ANK2: variants seen among roughly 807,000 people sequenced by gnomAD.
ANK2 encodes the protein ankyrin-2.
ANK2 carries 83 observed loss-of-function variants against 360.5 expected under a neutral mutation model. The observed-to-expected ratio is 0.23, with a 90% CI of 0.19 to 0.28. The LOEUF (loss-of-function observed/expected upper bound fraction) is 0.28, where lower values mean the gene tolerates loss of function less well. Ranked by LOEUF, ANK2 falls within the 10% of genes least tolerant of loss-of-function variation. The pLI, the probability that ANK2 is intolerant of heterozygous loss-of-function variation, is 1.00. For synonymous variants in ANK2, 1,740 were observed against 1,759.5 expected, an observed-to-expected ratio of 0.99 and a Z score of 0.28; for missense variants, 4,201 against 4,795.7, an observed-to-expected ratio of 0.88 and a Z score of 3.66.
chr4:112,971,145 TGAG>T (rs2039383997), intron 2 of ANK2, among the ~76,000 whole-genome samples: 5 of 152,206 alleles, frequency 3.3e-5, no homozygotes, highest in Admixed American at 2.0e-4. Context: ...TATTAATTGA[TGAG>T]GAACCAGCAA....
intron 1 of ANK2, among the ~76,000 whole-genome samples, chr4:112,897,988 C>T (rs2082225268): frequency 6.6e-6 from 1 of 152,034 alleles, no homozygotes; most frequent in Admixed American, 6.6e-5. Flanking sequence ...AGAACATAAA[C>T]TATAGATCAA....
chr4:113,244,739 G>A (rs1441483696), intron 9 of ANK2, among the ~76,000 whole-genome samples: 2 of 152,038 alleles, frequency 1.3e-5, no homozygotes, highest in African/African-American at 2.4e-5. Flanking sequence ...TCTACAATAG[G>A]TATTTCTCCT....
chr4:112,943,762 T>C lies in ANK2; in HGVS notation c.21+39248T>C, dbSNP rs536028466. On this transcript the variant is annotated intron_variant, in intron 2 of 30. Transcript: ENST00000503271. ...TAAAATCGAGCCTACATTGTTTTTC[T>C]TCTTTCCCCTTTACCTTGTTTTGCT... Among the ~76,000 whole-genome samples the C allele has an allele frequency of 7.9e-4, 120 of 152,296 alleles. 1 individual carries two copies. In the South Asian group the frequency reaches 0.01, roughly 13 times the overall value.
intron 4 of ANK2, among the ~76,000 whole-genome samples, chr4:113,215,217 A>G (rs2099072520): frequency 6.6e-6 from 1 of 152,154 alleles, no homozygotes; most frequent in Admixed American, 6.5e-5. Flanking sequence ...GAGGAAAGGC[A>G]ATGAAATATG....
intron 2 of ANK2, chr4:113,034,698 T>C (rs1254970925): frequency 6.6e-6 from 1 of 152,022 alleles, no homozygotes; most frequent in African/African-American, 2.4e-5. Flanking sequence ...TATTTTCCAC[T>C]TAATGACATC....
chr4:113,314,674 C>T (rs1026346060), intron 24 of ANK2, among the ~76,000 whole-genome samples: 2 of 152,128 alleles, frequency 1.3e-5, no homozygotes, highest in Non-Finnish European at 2.9e-5. Context: ...AGACCTTTGT[C>T]ATGCTGGTTA....
intron 2 of ANK2, among the ~76,000 whole-genome samples, chr4:112,930,358 G>C (rs545029104): frequency 2.2e-4 from 33 of 151,906 alleles, no homozygotes. Context: ...TGAGGTGGGA[G>C]GATCACCTGA....
chr4:113,064,289 A>G (rs2074731896), intron 1 of ANK2, among the ~76,000 whole-genome samples: 1 of 152,138 alleles, frequency 6.6e-6, no homozygotes, highest in African/African-American at 2.4e-5. Context: ...CACCTACCTC[A>G]TCATCTCTGT....
chr4:113,098,424 A>ACG (rs1430113702), intron 1 of ANK2, among the ~76,000 whole-genome samples: 76 of 152,124 alleles, frequency 5.0e-4, no homozygotes, highest in Middle Eastern at 3.4e-3. Flanking sequence ...AATAAATATT[A>ACG]TGCACAACAA....
At chr4:112,731,138 TA>T in the ANK2 span, among the ~76,000 whole-genome samples, 13,078 of 143,746 alleles carry the variant, frequency 0.091, 779 homozygotes, top group African/African-American at 0.17. Context: ...AGACTCTGTC[TA>T]AAAAAAAAAG....
At chr4:113,246,940 G>T (rs921005633) in intron 9 of ANK2, among the ~76,000 whole-genome samples, 8 of 152,160 alleles carry the variant, frequency 5.3e-5, no homozygotes, top group African/African-American at 1.7e-4. Flanking sequence ...TATGTAACTT[G>T]ACCTAGGACA....
chr4:113,225,205 T>C (rs1355940349), intron 4 of ANK2, among the ~76,000 whole-genome samples: 3 of 152,204 alleles, frequency 2.0e-5, no homozygotes, highest in Non-Finnish European at 2.9e-5. Context: ...TGGGCCATAA[T>C]ATACCTTCTT....
At chr4:112,801,202 G>T in the ANK2 span, among the ~76,000 whole-genome samples, 3 of 151,974 alleles carry the variant, frequency 2.0e-5, no homozygotes, top group Non-Finnish European at 2.9e-5. Flanking sequence ...TTTGTGTGTG[G>T]GATTTATGTG....
intron 34 of ANK2, 126 bp from the exon 35 acceptor site, chr4:113,345,763 AAAAGAGAAAGG>A: frequency 1.6e-6 from 2 of 1,244,414 alleles, no homozygotes; most frequent in South Asian, 2.6e-5. Context: ...TGGTAATAGG[AAAAGAGAAAGG>A]AAATCCTTTG....
At chr4:113,350,538 C>A in intron 37 of ANK2, 1 of 332,714 alleles carries the variant, frequency 3.0e-6, no homozygotes. Flanking sequence ...GTTTAGAAAC[C>A]CACCCTACCG....
At chr4:113,105,835 T>C (rs991538632) in intron 1 of ANK2, among the ~76,000 whole-genome samples, 8 of 152,330 alleles carry the variant, frequency 5.3e-5, no homozygotes, top group Admixed American at 5.2e-4. Flanking sequence ...TAATGTGTAC[T>C]AGTGTACAGT....
At chr4:112,935,351 A>C (rs1366341522) in intron 2 of ANK2, among the ~76,000 whole-genome samples, 1 of 152,258 alleles carries the variant, frequency 6.6e-6, no homozygotes, top group African/African-American at 2.4e-5. Context: ...GAAGGCAAAT[A>C]TATAATCTTT....
Position 113,282,940 on chromosome 4 carries a change from C to G in ANK2, c.2079+68C>G, listed in dbSNP as rs1427464039. 2.0e-6 allele frequency: 3 copies of G among 1,535,860 alleles called. No individual in the cohort carries two copies. In the Admixed American group the frequency reaches 5.1e-5, roughly 26 times the overall value. ...CATGTAAACAGGAACCAATCGCAGACAGTTTGGAACAAAAAGGAGCAATGT... is the reference window on the plus strand; with the variant it reads ...CATGTAAACAGGAACCAATCGCAGAGAGTTTGGAACAAAAAGGAGCAATGT... On this transcript the variant is annotated intron_variant, in intron 18 of 45. Coordinates refer to ENST00000357077, the MANE Select transcript of ANK2 (RefSeq NM_001148.6).
At chr4:113,204,208 TA>T (rs1255872437) in intron 4 of ANK2, among the ~76,000 whole-genome samples, 4 of 152,108 alleles carry the variant, frequency 2.6e-5, no homozygotes, top group African/African-American at 9.7e-5. Context: ...AAAATTGTCT[TA>T]AAAATGTTTT....
Sources: allele counts gnomAD v4.1 joint callset (sites outside exome capture counted in the v4.1 genomes callset), GRCh38; gene constraint gnomAD v4.1.1; transcripts MANE v1.5; gene names NCBI Gene and HGNC (gene_info 2026-07-23, HGNC 2026-07-21).